Variants in APOL6 observed in about 807,000 individuals in gnomAD.
APOL6 encodes the protein apolipoprotein L6.
Under a neutral mutation model 2.4 loss-of-function variants are expected in APOL6, and 1 was observed. That is an observed-to-expected ratio of 0.41 (90% CI 0.15 to 1.94). The LOEUF is 1.94. Ranked by LOEUF, APOL6 falls within the 30% of genes most tolerant of loss-of-function variation. The probability of loss-of-function intolerance (pLI) is 0.30; values close to 1 mark genes in which losing one functional copy is unlikely to be tolerated. For synonymous variants in APOL6, 189 were observed against 169.3 expected (o/e 1.12, Z -0.90); for missense variants, 438 against 429.2 (o/e 1.02, Z -0.18).
chr22:35,653,433 T>C (rs535987257), intron 1 of APOL6, among the ~76,000 whole-genome samples: 1 of 152,346 alleles, frequency 6.6e-6, no homozygotes, highest in South Asian at 2.1e-4. Context: ...TCCAACGCTA[T>C]GTTGAATAGG....
intron 2 of APOL6, among the ~76,000 whole-genome samples, chr22:35,656,743 C>T (rs1190054018): frequency 1.3e-5 from 2 of 152,182 alleles, no homozygotes; most frequent in African/African-American, 4.8e-5. Flanking sequence ...AAAATTGCTC[C>T]ACTCTGGGGC....
intron 1 of APOL6, among the ~76,000 whole-genome samples, chr22:35,652,152 T>C (rs1924714011): frequency 6.6e-6 from 1 of 152,238 alleles, no homozygotes; most frequent in South Asian, 2.1e-4. Flanking sequence ...TGGCCAGTGA[T>C]GATGAGCATT....
In APOL6 at chr22:35,668,169, C is replaced by G. The variant is rs193253889; in HGVS notation, c.*8573C>G. 6.6e-6 allele frequency: 1 copy of G among 152,330 alleles called. No homozygotes were observed. Among genetic ancestry groups the G allele is most frequent in the Non-Finnish European group, 1.5e-5 (1 of 68,032 alleles). 9.4% of individuals were successfully genotyped at this position (152,330 alleles called of 1,614,324 possible). On this transcript the variant is annotated 3_prime_UTR_variant, in exon 3 of 3. Coordinates refer to ENST00000409652, the MANE Select transcript of APOL6 (RefSeq NM_030641.4). ...ATTACTCTTTCAACCAATTGCCAAT[C>G]AGAAAATTGTTATATCTACCTATAA...
intron 1 of APOL6, among the ~76,000 whole-genome samples, chr22:35,650,540 AT>A (rs1924660213): frequency 6.6e-6 from 1 of 152,186 alleles, no homozygotes; most frequent in African/African-American, 2.4e-5. Flanking sequence ...CGTAAGGTGG[AT>A]TTTATAATTT....
chr22:35,652,331 C>T (rs569025500), intron 1 of APOL6, among the ~76,000 whole-genome samples: 4 of 150,178 alleles, frequency 2.7e-5, no homozygotes, highest in African/African-American at 9.8e-5. Context: ...CAAAAATTTT[C>T]TCCCATTCTG....
chr22:35,659,219 C>A lies in APOL6; in HGVS notation c.655C>A (p.Gln219Lys), dbSNP rs772520677. The A allele has an allele frequency of 6.2e-7, 1 of 1,614,196 alleles. No homozygotes were observed. The highest frequency in any genetic ancestry group is 1.7e-5 in the Admixed American group (1 of 60,032). The change falls in exon 3 of 3, where the codon CAA becomes AAA. Residue 219 changes from glutamine to lysine, a missense_variant. Physicochemically the swap from Gln to Lys is moderately conservative, Grantham distance 53. Coordinates refer to ENST00000409652, the MANE Select transcript of APOL6 (RefSeq NM_030641.4). Reference protein sequence around the residue: ...QVSSRSRVQVQKAFAGTTLAM... With the variant: ...QVSSRSRVQVKKAFAGTTLAM... Reference sequence around the variant, plus strand: ...CTCCTCCCGGAGCCGCGTGCAGGTGCAAAAGGCCTTTGCGGGAACAACACT... The same window carrying A: ...CTCCTCCCGGAGCCGCGTGCAGGTGAAAAAGGCCTTTGCGGGAACAACACT...
Position 35,658,595 on chromosome 22 carries a change from T to C in APOL6, c.51-20T>C. ...CCATCTGGGAAGCTGAAGCAAAATCTTTATTTCATTTCTCCTCAGGGATGA... is the reference window on the plus strand; with the variant it reads ...CCATCTGGGAAGCTGAAGCAAAATCCTTATTTCATTTCTCCTCAGGGATGA... On this transcript the variant is annotated intron_variant, in intron 2 of 2. Transcript: ENST00000409652. 3 of 1,563,922 alleles carry C rather than the reference T, an allele frequency of 1.9e-6. No homozygotes were observed. The highest frequency in any genetic ancestry group is 2.6e-6 in the Non-Finnish European group (3 of 1,157,554).
At chr22:35,654,943 AC>A (rs763239322) in intron 1 of APOL6, among the ~76,000 whole-genome samples, 1 of 152,132 alleles carries the variant, frequency 6.6e-6, no homozygotes, top group Non-Finnish European at 1.5e-5. Context: ...AGAACTTTAG[AC>A]CCTTATAGGC....
Position 35,659,083 on chromosome 22 carries a change from T to C in APOL6, c.519T>C (p.Asn173=). The C allele has an allele frequency of 6.2e-7, 1 of 1,613,994 alleles. No homozygotes were observed. Among genetic ancestry groups the C allele is most frequent in the Non-Finnish European group, 8.5e-7 (1 of 1,180,022 alleles). The stretch of plus-strand genomic sequence containing the variant: ...CAGCTGCTGGAAAGATTATCTATAA[T>C]CTTAGAAACACCTTGAAGTATGCCA... ...YVTAAGKIIY[N]LRNTLKYAKK... The change falls in exon 3 of 3, where the codon AAT becomes AAC. Residue 173 remains asparagine, a synonymous_variant. Coordinates refer to ENST00000409652, the MANE Select transcript of APOL6 (RefSeq NM_030641.4).
rs1160525823 is a variant in APOL6 at position 35,661,323 on chromosome 22, A to C, written c.*1727A>C. 2.1e-5 allele frequency: 3 copies of C among 139,960 alleles called. No individual in the cohort carries two copies. The highest frequency in any genetic ancestry group is 5.6e-5 in the African/African-American group (2 of 35,836). The allele number at this position is 139,960 out of a possible 1,614,324, so 8.7% of individuals were successfully genotyped here. On this transcript the variant is annotated 3_prime_UTR_variant, in exon 3 of 3. Coordinates refer to ENST00000409652, the MANE Select transcript of APOL6 (RefSeq NM_030641.4). ...CAGTGAGCCAAGATCATGCCACTGCACTCCAGTCTGGGTGTCAGAATGAGA... is the reference window on the plus strand; with the variant it reads ...CAGTGAGCCAAGATCATGCCACTGCCCTCCAGTCTGGGTGTCAGAATGAGA...
chr22:35,659,468 G>A lies in APOL6; in HGVS notation c.904G>A (p.Gly302Arg), dbSNP rs1179268747. ...GCAGAAAGTGAGGTCAAGGGCCAGA[G>A]GGGTGGGGAAGGATTTAACTGGGAC... is the stretch of plus-strand genomic sequence containing the variant. ...LQQKVRSRAR[G>R]VGKDLTGTCE... is the part of the protein sequence containing the mutation. Residue 302 changes from glycine (G) to arginine (R), a missense_variant, in exon 3 of 3, where the codon GGG becomes AGG. By Grantham distance (125) the Gly-to-Arg change is moderately radical. Transcript: ENST00000409652. 6 of 1,614,022 alleles carry A rather than the reference G, an allele frequency of 3.7e-6. No homozygotes were observed. The highest frequency in any genetic ancestry group is 5.1e-6 in the Non-Finnish European group (6 of 1,180,034).
chr22:35,659,803 T>C lies in APOL6; in HGVS notation c.*207T>C, dbSNP rs1193746946. 5.8e-6 allele frequency: 5 copies of C among 862,738 alleles called. No homozygotes were observed. In the African/African-American group the frequency reaches 6.8e-5, roughly 12 times the overall value. 53.4% of individuals were successfully genotyped at this position (862,738 alleles called of 1,614,324 possible). A position where few individuals can be genotyped will look rare whatever the true frequency, so the allele number is the denominator to read the frequency against. On this transcript the variant is annotated 3_prime_UTR_variant, in exon 3 of 3. Coordinates refer to ENST00000409652, the MANE Select transcript of APOL6 (RefSeq NM_030641.4). ...TGTTTGTTTTGAGACAGGGTCTCTG[T>C]TGCCCAGGCTGGAGTGCAGTGGCGT...
intron 1 of APOL6, among the ~76,000 whole-genome samples, chr22:35,650,135 G>A (rs1924650084): frequency 6.6e-6 from 1 of 152,142 alleles, no homozygotes; most frequent in Non-Finnish European, 1.5e-5. Context: ...CTGGGTCACT[G>A]TGTAAAGCAG....
In APOL6 at chr22:35,659,311, G is replaced by A. The variant is rs1601868398; in HGVS notation, c.747G>A (p.Leu249=). 6.2e-7 allele frequency: 1 copy of A among 1,614,052 alleles called. No individual in the cohort carries two copies. The highest frequency in any genetic ancestry group is 1.1e-5 in the South Asian group (1 of 91,078). ...VMSAFSLGYD[L]ATLSKEWKHL... ...CCGCCTTCTCCCTTGGCTATGACTT[G>A]GCCACTCTCTCAAAGGAATGGAAGC... The change falls in exon 3 of 3, where the codon TTG becomes TTA. Residue 249 remains leucine, a synonymous_variant. Coordinates refer to ENST00000409652, the MANE Select transcript of APOL6 (RefSeq NM_030641.4).
rs1925094357 is a variant in APOL6 at position 35,663,683 on chromosome 22, ACACCAC to A, written c.*4090_*4095del. On this transcript the variant is annotated 3_prime_UTR_variant, in exon 3 of 3. Coordinates refer to ENST00000409652, the MANE Select transcript of APOL6 (RefSeq NM_030641.4). Reference sequence around the variant, plus strand: ...AGAAAAATAAAAGCATCTCCCTCTAACACCACCAGACTTTTCCTCTCTGTACCTTAT... The same window carrying A: ...AGAAAAATAAAAGCATCTCCCTCTAACAGACTTTTCCTCTCTGTACCTTAT... 6.6e-6 allele frequency: 1 copy of A among 151,900 alleles called. No individual in the cohort carries two copies. Among genetic ancestry groups the A allele is most frequent in the African/African-American group, 2.4e-5 (1 of 41,364 alleles). The allele number at this position is 151,900 out of a possible 1,614,324, so 9.4% of individuals were successfully genotyped here.
Position 35,666,231 on chromosome 22 carries a change from C to A in APOL6, c.*6635C>A, listed in dbSNP as rs1925178237. The A allele has an allele frequency of 2.0e-5, 3 of 152,200 alleles. No individual in the cohort carries two copies. In the East Asian group the frequency reaches 5.8e-4, roughly 29 times the overall value. The allele number at this position is 152,200 out of a possible 1,614,324, so 9.4% of individuals were successfully genotyped here. On this transcript the variant is annotated 3_prime_UTR_variant, in exon 3 of 3. Coordinates refer to ENST00000409652, the MANE Select transcript of APOL6 (RefSeq NM_030641.4). ...ACTATGGCTGCCTTAAAACTTTTTTCTTCCATGCACAATTGTTGTTTTGGT... is the reference window on the plus strand; with the variant it reads ...ACTATGGCTGCCTTAAAACTTTTTTATTCCATGCACAATTGTTGTTTTGGT...
Position 35,658,897 on chromosome 22 carries a change from C to A in APOL6, c.333C>A (p.Thr111=), listed in dbSNP as rs34527373. The A allele has an allele frequency of 1.2e-6, 2 of 1,614,028 alleles. No homozygotes were observed. Among genetic ancestry groups the A allele is most frequent in the Admixed American group, 1.7e-5 (1 of 60,012 alleles). ...ATGGGSLLLS[T]AGQGLATAAG... Reference sequence around the variant, plus strand: ...GAGGAGGAAGCCTGCTGCTCTCCACCGCTGGTCAAGGTTTGGCAACAGCAG... The same window carrying A: ...GAGGAGGAAGCCTGCTGCTCTCCACAGCTGGTCAAGGTTTGGCAACAGCAG... The change falls in exon 3 of 3, where the codon ACC becomes ACA. Residue 111 remains threonine, a synonymous_variant. Transcript: ENST00000409652.
At chr22:35,655,416 C>A (rs887666615) in intron 1 of APOL6, among the ~76,000 whole-genome samples, 1 of 152,126 alleles carries the variant, frequency 6.6e-6, no homozygotes, top group African/African-American at 2.4e-5. Flanking sequence ...CGAGAAGAAA[C>A]CTCGATTCTG....
chr22:35,659,871 G>A lies in APOL6; in HGVS notation c.*275G>A, dbSNP rs1011997806. The A allele has an allele frequency of 1.3e-5, 5 of 396,852 alleles. No homozygotes were observed. Among genetic ancestry groups the A allele is most frequent in the African/African-American group, 1.0e-4 (5 of 49,962 alleles). 24.6% of individuals were successfully genotyped at this position (396,852 alleles called of 1,614,324 possible). On this transcript the variant is annotated 3_prime_UTR_variant, in exon 3 of 3. Transcript: ENST00000409652. Reference sequence around the variant, plus strand: ...ACCTCTGCCTCCTGAGTGCAAGCAAGTCTCCTGCCTCAGCCTCCCAAGTAG... The same window carrying A: ...ACCTCTGCCTCCTGAGTGCAAGCAAATCTCCTGCCTCAGCCTCCCAAGTAG...
Sources: gnomAD v4.1 joint callset for allele counts (sites outside exome capture counted in the v4.1 genomes callset) on GRCh38, gnomAD v4.1.1 for gene constraint, MANE v1.5 for transcripts, NCBI Gene and HGNC (gene_info 2026-07-23, HGNC 2026-07-21) for gene names.